Variants in KHDRBS2 observed in about 807,000 individuals in gnomAD.
The protein encoded by KHDRBS2 is KH RNA binding domain containing, signal transduction associated 2.
In KHDRBS2, 26 loss-of-function variants were observed where a neutral mutation model predicts 44.3. The ratio of observed to expected loss-of-function variants is 0.59; its 90% CI spans 0.43 to 0.81. The LOEUF (loss-of-function observed/expected upper bound fraction) is 0.81. KHDRBS2 is among the 40% of genes least tolerant of loss of function. The pLI, the probability that KHDRBS2 is intolerant of heterozygous loss-of-function variation, is 0.00. For missense variants in KHDRBS2, 476 were observed against 433.1 expected (o/e 1.10, Z -0.88); for synonymous variants, 194 against 151.1 (o/e 1.28, Z -2.08).
At position 62,078,534 on chromosome 6, in the gene KHDRBS2, T is replaced by C. The variant is rs150313278; in HGVS notation, c.220-30540A>G. 3.3e-3 allele frequency among the ~76,000 whole-genome samples: 508 copies of C among 152,110 alleles called. 4 individuals are homozygous for C. The highest frequency in any genetic ancestry group is 5.1e-3 in the Non-Finnish European group (346 of 67,950). On this transcript the variant is annotated intron_variant, in intron 2 of 8. Transcript: ENST00000281156. Reference sequence around the variant, plus strand: ...CCCAAAACAAAGATAAAAATACTGATTACTTGACTTCTAAGAGAAAAATAT... The same window carrying C: ...CCCAAAACAAAGATAAAAATACTGACTACTTGACTTCTAAGAGAAAAATAT...
chr6:61,978,269 A>G (rs549020663), intron 3 of KHDRBS2, 57 bp from the exon 4 acceptor site: 2 of 1,353,312 alleles, frequency 1.5e-6, no homozygotes, highest in African/African-American at 1.5e-5. Flanking sequence ...TTGATTTAAC[A>G]TTTACTGAGA....
At position 61,681,325 on chromosome 6, in the gene KHDRBS2, T is replaced by C. The variant is rs1295475696; in HGVS notation, c.953-265A>G. On this transcript the variant is annotated intron_variant, in intron 8 of 8. Transcript: ENST00000281156. Reference sequence around the variant, plus strand: ...CCCCTGCCCATAAAATCTTTTTACATAGAATTCTTAAAAATAAATAAATAA... The same window carrying C: ...CCCCTGCCCATAAAATCTTTTTACACAGAATTCTTAAAAATAAATAAATAA... 2.6e-5 allele frequency among the ~76,000 whole-genome samples: 4 copies of C among 151,892 alleles called. No individual in the cohort carries two copies. The East Asian group carries it at 7.8e-4, about 30-fold the overall frequency.
In KHDRBS2 at chr6:61,726,073, A is replaced by G. The variant is rs371733672; in HGVS notation, c.893+6609T>C. ...AATAAAATACTAGAAAACTGAATCC[A>G]GCAGCACATCAAAAAACTTATTTAA... On this transcript the variant is annotated intron_variant, in intron 7 of 8. Coordinates refer to ENST00000281156, the MANE Select transcript of KHDRBS2 (RefSeq NM_152688.4). Among the ~76,000 whole-genome samples, 207 of 152,290 alleles carry G rather than the reference A, an allele frequency of 1.4e-3. 2 individuals carry two copies. Among genetic ancestry groups the G allele is most frequent in the African/African-American group, 4.8e-3 (199 of 41,564 alleles).
chr6:62,066,799 A>G (rs1206650482), intron 2 of KHDRBS2, among the ~76,000 whole-genome samples: 1 of 151,618 alleles, frequency 6.6e-6, no homozygotes, highest in Non-Finnish European at 1.5e-5. Context: ...ATTCATTTCC[A>G]AGTGAAACAT....
intron 3 of KHDRBS2, among the ~76,000 whole-genome samples, chr6:62,038,365 T>C (rs1427133194): frequency 6.6e-6 from 1 of 151,864 alleles, no homozygotes; most frequent in East Asian, 1.9e-4. Context: ...CTCCGTTTAG[T>C]GTCATTAACT....
At chr6:62,027,782 C>G (rs978510420) in intron 3 of KHDRBS2, among the ~76,000 whole-genome samples, 1 of 152,104 alleles carries the variant, frequency 6.6e-6, no homozygotes, top group African/African-American at 2.4e-5. Flanking sequence ...GGTGCCGTGC[C>G]TAGAGAGGGC....
intron 3 of KHDRBS2, among the ~76,000 whole-genome samples, chr6:61,994,588 T>G (rs1252005115): frequency 6.6e-6 from 1 of 152,182 alleles, no homozygotes; most frequent in Non-Finnish European, 1.5e-5. Context: ...GGGTGGTCTC[T>G]GACCTGAGAG....
chr6:62,092,577 C>T (rs561336980), intron 2 of KHDRBS2, among the ~76,000 whole-genome samples: 20 of 152,240 alleles, frequency 1.3e-4, no homozygotes, highest in Non-Finnish European at 2.2e-4. Flanking sequence ...TCATAATTGT[C>T]TACCTGACTT....
chr6:62,249,994 T>C (rs1313672391), intron 1 of KHDRBS2, among the ~76,000 whole-genome samples: 2 of 152,122 alleles, frequency 1.3e-5, no homozygotes, highest in Non-Finnish European at 2.9e-5. Flanking sequence ...TTATTAACTG[T>C]AGCACTCTGT....
intron 1 of KHDRBS2, 100 bp from the exon 2 acceptor site, chr6:62,177,412 C>T (rs1001432808): frequency 1.1e-6 from 1 of 897,856 alleles, no homozygotes. Context: ...TATTACTCCT[C>T]TTCTCAAATA....
chr6:62,093,343 G>A (rs1799837721), intron 2 of KHDRBS2, among the ~76,000 whole-genome samples: 1 of 151,698 alleles, frequency 6.6e-6, no homozygotes, highest in Admixed American at 6.6e-5. Context: ...TCCCAACTAA[G>A]CTTTATTTTA....
At chr6:62,005,691 T>C (rs1178442971) in intron 3 of KHDRBS2, among the ~76,000 whole-genome samples, 1 of 151,294 alleles carries the variant, frequency 6.6e-6, no homozygotes, top group African/African-American at 2.4e-5. Context: ...GAACTTGAAA[T>C]TGTGAATAAA....
At chr6:62,207,814 T>C (rs559412930) in intron 1 of KHDRBS2, among the ~76,000 whole-genome samples, 1 of 152,298 alleles carries the variant, frequency 6.6e-6, no homozygotes, top group African/African-American at 2.4e-5. Flanking sequence ...GTTTACAATA[T>C]GATGTTAAGG....
At chr6:61,777,843 T>C (rs777584558) in intron 6 of KHDRBS2, among the ~76,000 whole-genome samples, 1 of 152,150 alleles carries the variant, frequency 6.6e-6, no homozygotes, top group Admixed American at 6.6e-5. Flanking sequence ...ATTTATTTAT[T>C]TGCTTTCCTT....
chr6:61,815,915 T>A (rs1465315620), intron 6 of KHDRBS2, among the ~76,000 whole-genome samples: 1 of 152,186 alleles, frequency 6.6e-6, no homozygotes, highest in African/African-American at 2.4e-5. Flanking sequence ...CATATTTATA[T>A]TAAAGCTGAA....
chr6:61,585,617 C>G, the KHDRBS2 span, among the ~76,000 whole-genome samples: 3 of 151,976 alleles, frequency 2.0e-5, no homozygotes, highest in Admixed American at 2.0e-4. Context: ...GACTCTGAAG[C>G]ATTATAAAGT....
chr6:61,853,429 G>A (rs1271613736), intron 6 of KHDRBS2, among the ~76,000 whole-genome samples: 2 of 152,064 alleles, frequency 1.3e-5, no homozygotes, highest in Admixed American at 1.3e-4. Context: ...CATAATTACA[G>A]TTATGTGATC....
intron 3 of KHDRBS2, among the ~76,000 whole-genome samples, chr6:62,009,911 G>C (rs1156897084): frequency 2.0e-5 from 3 of 152,174 alleles, no homozygotes; most frequent in African/African-American, 7.2e-5. Context: ...GCTCTGCTAG[G>C]GCACTGCAGA....
intron 8 of KHDRBS2, among the ~76,000 whole-genome samples, chr6:61,692,337 C>A (rs1279694752): frequency 6.6e-6 from 1 of 151,328 alleles, no homozygotes; most frequent in Admixed American, 6.6e-5. Flanking sequence ...TAATAGTAAC[C>A]AATTGAAAAT....
Sources: allele counts gnomAD v4.1 joint callset (sites outside exome capture counted in the v4.1 genomes callset), GRCh38; gene constraint gnomAD v4.1.1; transcripts MANE v1.5; gene names NCBI Gene and HGNC (gene_info 2026-07-23, HGNC 2026-07-21).